The following GGT1 variants were observed in gnomAD, a reference collection of about 807,000 sequenced individuals.
The protein encoded by GGT1 is glutathione hydrolase 1 proenzyme.
GGT1 carries 21 observed loss-of-function variants against 56.0 expected under a neutral mutation model. That is an observed-to-expected ratio of 0.38 (90% confidence interval 0.27 to 0.54). The LOEUF (loss-of-function observed/expected upper bound fraction) is 0.54. GGT1 is among the 20% of genes least tolerant of loss of function. The pLI is 0.82. For missense variants in GGT1, 466 were observed against 787.0 expected (o/e 0.59, Z 4.88); for synonymous variants, 238 against 342.6 (o/e 0.69, Z 3.37).
chr22:24,583,849 C>T, the GGT1 span: 1 of 466,818 alleles, frequency 2.1e-6, no homozygotes, highest in Non-Finnish European at 4.4e-6. Flanking sequence ...TGTGGGCTGG[C>T]TTAGGGCCAG....
upstream of GGT1, chr22:24,592,241 C>T: frequency 2.2e-6 from 1 of 459,658 alleles, no homozygotes; most frequent in Non-Finnish European, 4.4e-6. Context: ...AGCAGAGCCA[C>T]CACCGGACCG....
At chr22:24,596,434 T>G (rs2045693020) in intron 1 of GGT1, among the ~76,000 whole-genome samples, 1 of 152,158 alleles carries the variant, frequency 6.6e-6, no homozygotes, top group Non-Finnish European at 1.5e-5. Flanking sequence ...CCATCTACCC[T>G]ATGTGTCTGT....
chr22:24,599,959 G>C (rs749016147), upstream of GGT1, among the ~76,000 whole-genome samples: 1 of 152,236 alleles, frequency 6.6e-6, no homozygotes, highest in Non-Finnish European at 1.5e-5. Context: ...GAGCGGGTTG[G>C]CTTTCCTGGA....
At chr22:24,616,522 TACTC>T (rs1337905622) in intron 7 of GGT1, among the ~76,000 whole-genome samples, 3 of 151,460 alleles carry the variant, frequency 2.0e-5, no homozygotes, top group Non-Finnish European at 4.4e-5. Context: ...TTCTGCAACA[TACTC>T]AATCTTTGAC....
At chr22:24,606,926 C>T (rs1420212875) in intron 1 of GGT1, among the ~76,000 whole-genome samples, 2 of 151,178 alleles carry the variant, frequency 1.3e-5, no homozygotes, top group Non-Finnish European at 2.9e-5. Context: ...AGCCATGACT[C>T]AGGGAGACTC....
At position 24,626,144 on chromosome 22, in the gene GGT1, C is replaced by G. The variant is rs550440829; in HGVS notation, c.1021-1288C>G. Among the ~76,000 whole-genome samples, 744 of 147,502 alleles carry G rather than the reference C, an allele frequency of 5.0e-3. 3 individuals are homozygous for G. The highest frequency in any genetic ancestry group is 8.0e-3 in the Non-Finnish European group (541 of 67,496). The stretch of plus-strand genomic sequence containing the variant: ...AGTAGCTGGGACTACATGTGCCCAC[C>G]ACCGCGCCCAGCTAATTTTTTGTAT... On this transcript the variant is annotated intron_variant, in intron 11 of 15. Transcript: ENST00000400382.
intron 7 of GGT1, among the ~76,000 whole-genome samples, chr22:24,619,245 A>C (rs573882520): frequency 6.6e-6 from 1 of 152,258 alleles, no homozygotes; most frequent in Non-Finnish European, 1.5e-5. Context: ...TAAAAATACA[A>C]AAATTAGCAA....
chr22:24,614,850 C>T lies in GGT1; in HGVS notation c.239C>T (p.Ala80Val), dbSNP rs1406402854. The T allele has an allele frequency of 6.2e-7, 1 of 1,613,236 alleles. No individual in the cohort carries two copies. The highest frequency in any genetic ancestry group is 1.7e-5 in the Admixed American group (1 of 59,998). ...AALLCVGLMN[A>V]HSMGIGGGLF... ...CTGTTGTGTGTGGGGCTCATGAATG[C>T]CCACAGCATGGGCATCGGGGGTGGC... The change falls in exon 6 of 16, where the codon GCC (alanine) becomes GTC (valine). Residue 80 changes from alanine (A) to valine (V), a missense_variant. By Grantham distance (64) the Ala-to-Val change is moderately conservative. This residue lies in a region of GGT1 where 456 missense variants were observed against 716.7 expected (regional missense o/e 0.64). Transcript: ENST00000400382.
chr22:24,593,463 C>T (rs1310604678), upstream of GGT1, among the ~76,000 whole-genome samples: 1 of 152,084 alleles, frequency 6.6e-6, no homozygotes, highest in East Asian at 1.9e-4. Flanking sequence ...TAGAAATATG[C>T]CCTGCATGGT....
intron 1 of GGT1, among the ~76,000 whole-genome samples, chr22:24,605,637 TATATATA>T (rs1168226681): frequency 4.4e-5 from 2 of 45,724 alleles, no homozygotes; most frequent in African/African-American, 1.5e-4. Context: ...ATGTGTATTA[TATATATA>T]ATATTATATA....
chr22:24,617,763 G>A (rs150574507), intron 7 of GGT1, among the ~76,000 whole-genome samples: 4,140 of 152,118 alleles, frequency 0.027, 193 homozygotes, highest in African/African-American at 0.095. Flanking sequence ...TCTGGTGATC[G>A]GAGGAGCAGC....
chr22:24,595,369 G>A (rs1213932814), intron 1 of GGT1, among the ~76,000 whole-genome samples: 1 of 152,210 alleles, frequency 6.6e-6, no homozygotes, highest in Non-Finnish European at 1.5e-5. Context: ...TCAGGCATGG[G>A]GGCATGATTC....
At chr22:24,605,648 T>A (rs186173918) in intron 1 of GGT1, among the ~76,000 whole-genome samples, 1 of 29,750 alleles carries the variant, frequency 3.4e-5, no homozygotes, top group Non-Finnish European at 5.0e-5. Flanking sequence ...ATATATAATA[T>A]TATATAATGT....
the GGT1 span, among the ~76,000 whole-genome samples, chr22:24,585,002 G>A: frequency 3.9e-5 from 6 of 152,004 alleles, no homozygotes; most frequent in Admixed American, 2.0e-4. Flanking sequence ...CTGGTGATGC[G>A]CACCTCCACC....
At position 24,628,065 on chromosome 22, in the gene GGT1, C is replaced by T; in HGVS notation, c.1337-16C>T. 2 of 1,611,758 alleles carry T rather than the reference C, an allele frequency of 1.2e-6. No individual in the cohort carries two copies. Among genetic ancestry groups the T allele is most frequent in the Non-Finnish European group, 8.5e-7 (1 of 1,179,808 alleles). Reference sequence around the variant, plus strand: ...GGCAGCTGACGGGCATCCCTGTCTTCTCCCATCGGCCGCAGGGAAGCAGCC... The same window carrying T: ...GGCAGCTGACGGGCATCCCTGTCTTTTCCCATCGGCCGCAGGGAAGCAGCC... On this transcript the variant is annotated splice_polypyrimidine_tract_variant and intron_variant, in intron 13 of 15. Transcript: ENST00000400382. This position sits in a 1 kb window ranked among gnomAD's most constrained non-coding sequence, Gnocchi z 5.7.
upstream of GGT1, among the ~76,000 whole-genome samples, chr22:24,602,117 G>C (rs1219717917): frequency 6.6e-6 from 1 of 152,130 alleles, no homozygotes; most frequent in Admixed American, 6.5e-5. Context: ...ACACCTCGGG[G>C]CTCAGGACGG....
At chr22:24,605,617 ATAT>A (rs1388591590) in intron 1 of GGT1, among the ~76,000 whole-genome samples, 1 of 42,600 alleles carries the variant, frequency 2.3e-5, no homozygotes, top group South Asian at 7.0e-4. Context: ...TATATATATA[ATAT>A]TATATAATGT....
At chr22:24,605,924 T>C (rs796617455) in intron 1 of GGT1, among the ~76,000 whole-genome samples, 1 of 89,306 alleles carries the variant, frequency 1.1e-5, no homozygotes, top group Non-Finnish European at 2.0e-5. Context: ...TGATGTGTAT[T>C]ATATATTATA....
intron 1 of GGT1, among the ~76,000 whole-genome samples, chr22:24,604,549 C>T (rs2045913295): frequency 1.3e-5 from 2 of 152,112 alleles, no homozygotes; most frequent in Admixed American, 1.3e-4. Flanking sequence ...GAGTCTGTGT[C>T]TCTGGGTGAG....
Sources: gnomAD v4.1 joint callset for allele counts (sites outside exome capture counted in the v4.1 genomes callset) on GRCh38, gnomAD v4.1.1 for gene constraint, gnomAD v4.1.1 regional missense constraint, Gnocchi (gnomAD v3.1) non-coding constraint, MANE v1.5 for transcripts, NCBI Gene and HGNC (gene_info 2026-07-23, HGNC 2026-07-21) for gene names.